The following CPB1 variants were observed in gnomAD, a reference collection of about 807,000 sequenced individuals.
The protein encoded by CPB1 is carboxypeptidase B.
A neutral mutation model predicts 51.4 loss-of-function variants in CPB1; 53 were observed. That is an observed-to-expected ratio of 1.03 (90% CI 0.83 to 1.30). The LOEUF is 1.30. Ranked by LOEUF, CPB1 falls within the 50% of genes most tolerant of loss-of-function variation. The pLI is 0.00. For synonymous variants in CPB1, 189 were observed against 186.9 expected (o/e 1.01, Z -0.09); for missense variants, 494 against 516.2 (o/e 0.96, Z 0.42).
intron 3 of CPB1, among the ~76,000 whole-genome samples, chr3:148,837,144 A>G: frequency 6.6e-6 from 1 of 152,214 alleles, no homozygotes; most frequent in Admixed American, 6.5e-5. Flanking sequence ...AGTTGACAGA[A>G]CCTTTAGGTG....
At chr3:148,845,399 C>G in intron 8 of CPB1, 25 bp from the exon 9 acceptor site, 1 of 1,604,268 alleles carries the variant, frequency 6.2e-7, no homozygotes, top group Non-Finnish European at 8.5e-7. Context: ...GTGATCCTTG[C>G]CATTAACATC....
chr3:148,855,191 A>G (rs1713538849), intron 9 of CPB1: 1 of 152,244 alleles, frequency 6.6e-6, no homozygotes, highest in African/African-American at 2.4e-5. Flanking sequence ...TCTTCAGAAG[A>G]TGAGAGATGA....
chr3:148,845,319 T>C lies in CPB1; in HGVS notation c.779-105T>C, dbSNP rs1458191468. 6 of 893,864 alleles carry C rather than the reference T, an allele frequency of 6.7e-6. No individual in the cohort carries two copies. In the African/African-American group the frequency reaches 1.0e-4, roughly 15 times the overall value. The allele number at this position is 893,864 out of a possible 1,614,324, so 55.4% of individuals were successfully genotyped here. ...AATAGGGACAACTTTAAGGACTCCT[T>C]GATAAGGACTCCTATGAAAACAACT... On this transcript the variant is annotated intron_variant, in intron 8 of 10. Coordinates refer to ENST00000282957, the MANE Select transcript of CPB1 (RefSeq NM_001871.3).
At chr3:148,844,400 A>G (rs1713170112) in intron 6 of CPB1, 78 bp from the exon 7 acceptor site, 2 of 1,046,708 alleles carry the variant, frequency 1.9e-6, no homozygotes, top group Non-Finnish European at 2.9e-6. Context: ...CAAAGTTAAC[A>G]TTCAACAGTC....
intron 9 of CPB1, chr3:148,856,543 A>G (rs1389136970): frequency 6.6e-6 from 1 of 152,256 alleles, no homozygotes; most frequent in African/African-American, 2.4e-5. Flanking sequence ...AGCCGGTTTC[A>G]TAACCGGAAT....
At chr3:148,853,344 T>C (rs1160876722) in intron 9 of CPB1, among the ~76,000 whole-genome samples, 1 of 151,752 alleles carries the variant, frequency 6.6e-6, no homozygotes, top group Non-Finnish European at 1.5e-5. Flanking sequence ...GAAAGGGGAG[T>C]TTCTTTATCA....
chr3:148,855,851 T>C (rs879936561), intron 9 of CPB1: 1 of 152,194 alleles, frequency 6.6e-6, no homozygotes, highest in South Asian at 2.1e-4. Flanking sequence ...CTTTGATAAA[T>C]GGCAAGATAA....
chr3:148,858,568 A>G (rs1405883458), intron 10 of CPB1, among the ~76,000 whole-genome samples: 1 of 151,828 alleles, frequency 6.6e-6, no homozygotes, highest in South Asian at 2.1e-4. Flanking sequence ...GCAAAACTCC[A>G]TCTCAAAAAA....
intron 3 of CPB1, among the ~76,000 whole-genome samples, 160 bp from the exon 4 acceptor site, chr3:148,840,526 G>A (rs1228782816): frequency 6.6e-6 from 1 of 152,130 alleles, no homozygotes; most frequent in Non-Finnish European, 1.5e-5. Context: ...AATCTCTCTG[G>A]AGCAGCTGAA....
chr3:148,836,192 G>A (rs1236823019), intron 3 of CPB1, among the ~76,000 whole-genome samples: 2 of 151,824 alleles, frequency 1.3e-5, no homozygotes, highest in African/African-American at 4.8e-5. Flanking sequence ...TAACTGCTAT[G>A]TTTAACCCCA....
At chr3:148,855,790 C>T (rs990016559) in intron 9 of CPB1, 1 of 152,172 alleles carries the variant, frequency 6.6e-6, no homozygotes, top group Non-Finnish European at 1.5e-5. Context: ...AATAAGAATT[C>T]TTTAAGATCA....
chr3:148,842,878 GT>G (rs1434986184), intron 6 of CPB1, among the ~76,000 whole-genome samples: 1 of 152,212 alleles, frequency 6.6e-6, no homozygotes, highest in African/African-American at 2.4e-5. Flanking sequence ...CAGATATGCT[GT>G]GAAAAGACAT....
intron 3 of CPB1, among the ~76,000 whole-genome samples, chr3:148,839,653 A>G (rs569657279): frequency 6.6e-6 from 1 of 152,352 alleles, no homozygotes; most frequent in South Asian, 2.1e-4. Context: ...CACCAATTGA[A>G]GGAGTGACCA....
Position 148,827,906 on chromosome 3 carries a change from A to G in CPB1, c.71+12A>G. On this transcript the variant is annotated intron_variant, in intron 1 of 10. Coordinates refer to ENST00000282957, the MANE Select transcript of CPB1 (RefSeq NM_001871.3). ...GAGCACTTTGAAGGGTAAGTAAGCCATCTTTAAGGAGCAAGTCCTTCTTCC... is the reference window on the plus strand; with the variant it reads ...GAGCACTTTGAAGGGTAAGTAAGCCGTCTTTAAGGAGCAAGTCCTTCTTCC... 6.2e-7 allele frequency: 1 copy of G among 1,614,084 alleles called. No homozygotes were observed. Among genetic ancestry groups the G allele is most frequent in the South Asian group, 1.1e-5 (1 of 91,086 alleles).
intron 10 of CPB1, 60 bp downstream of exon 10, chr3:148,857,601 T>C: frequency 1.6e-6 from 2 of 1,273,028 alleles, no homozygotes; most frequent in Non-Finnish European, 2.2e-6. Context: ...AACGAAAGGT[T>C]CCTGGGGCCT....
At chr3:148,858,917 A>C (rs1333211817) in intron 10 of CPB1, among the ~76,000 whole-genome samples, 2 of 152,210 alleles carry the variant, frequency 1.3e-5, no homozygotes, top group African/African-American at 2.4e-5. Flanking sequence ...GTGCAGTTGG[A>C]GAGGCTCCAG....
intron 2 of CPB1, among the ~76,000 whole-genome samples, chr3:148,831,357 G>A (rs1712730668): frequency 6.6e-6 from 1 of 152,110 alleles, no homozygotes; most frequent in Non-Finnish European, 1.5e-5. Flanking sequence ...ATTGGGCCTT[G>A]AGTAGAAGTT....
chr3:148,857,707 G>T, intron 10 of CPB1, 166 bp downstream of exon 10: 1 of 491,570 alleles, frequency 2.0e-6, no homozygotes, highest in Non-Finnish European at 3.6e-6. Flanking sequence ...AAAAAAGGAG[G>T]GAAAGCCTGG....
rs759488110 is a variant in CPB1, at chr3:148,845,448, G to A, written c.803G>A (p.Cys268Tyr). 3.7e-6 allele frequency: 6 copies of A among 1,613,734 alleles called. No homozygotes were observed. Among genetic ancestry groups the A allele is most frequent in the Non-Finnish European group, 5.1e-6 (6 of 1,179,838 alleles). Residue 268 changes from cysteine (C) to tyrosine (Y), a missense_variant, in exon 9 of 11, where the codon TGT becomes TAT. Physicochemically the swap from Cys to Tyr is radical, Grantham distance 194. Coordinates refer to ENST00000282957, the MANE Select transcript of CPB1 (RefSeq NM_001871.3). Reference sequence around the variant, plus strand: ...GAAATTGGAGCCTCTCGAAACCCCTGTGATGAAACTTACTGTGGACCTGCC... The same window carrying A: ...GAAATTGGAGCCTCTCGAAACCCCTATGATGAAACTTACTGTGGACCTGCC... The part of the protein sequence containing the change: ...WCEIGASRNP[C>Y]DETYCGPAAE...
Sources: allele counts gnomAD v4.1 joint callset (sites outside exome capture counted in the v4.1 genomes callset), GRCh38; gene constraint gnomAD v4.1.1; transcripts MANE v1.5; gene names NCBI Gene and HGNC (gene_info 2026-07-23, HGNC 2026-07-21).